Variants in SYT7 observed in about 807,000 individuals in gnomAD.
The protein encoded by SYT7 is synaptotagmin 7.
A neutral mutation model predicts 75.1 loss-of-function variants in SYT7; 29 were observed. That is an observed-to-expected ratio of 0.39 (90% CI 0.29 to 0.53). The LOEUF (loss-of-function observed/expected upper bound fraction) is 0.53. SYT7 is among the 20% of genes least tolerant of loss of function. The probability of loss-of-function intolerance (pLI) is 0.77; values close to 1 mark genes in which losing one functional copy is unlikely to be tolerated. For synonymous variants in SYT7, 376 were observed against 401.7 expected (o/e 0.94, Z 0.76); for missense variants, 693 against 953.2 (o/e 0.73, Z 3.59).
Position 61,524,349 on chromosome 11 carries a change from C to A in SYT7, c.1641+14G>T, listed in dbSNP as rs761788299. On this transcript the variant is annotated intron_variant, in intron 10 of 12. Coordinates refer to ENST00000539008, the MANE Select transcript of SYT7 (RefSeq NM_001365809.2). The surrounding 1 kb of genome is among the most constrained non-coding windows in gnomAD (Gnocchi z 4.1). ...TGCTGCCTGTCCAGCTAAGACCCAC[C>A]CATGGGGCCTTACACTCCCATCGCT... The A allele has an allele frequency of 6.2e-7, 1 of 1,613,658 alleles. No homozygotes were observed. Among genetic ancestry groups the A allele is most frequent in the South Asian group, 1.1e-5 (1 of 91,020 alleles).
intron 1 of SYT7, among the ~76,000 whole-genome samples, chr11:61,573,279 C>T (rs1000999147): frequency 6.6e-6 from 1 of 152,184 alleles, no homozygotes; most frequent in Non-Finnish European, 1.5e-5. Flanking sequence ...GCTCTATATC[C>T]CTCACTAGGG....
chr11:61,552,471 T>C lies in SYT7; in HGVS notation c.136-1008A>G, dbSNP rs1026987757. On this transcript the variant is annotated intron_variant, in intron 2 of 12. Transcript: ENST00000539008. ...CCGGCTGCACACACACACACACACATGCACACACACACACATGCACACACA... is the reference window on the plus strand; with the variant it reads ...CCGGCTGCACACACACACACACACACGCACACACACACACATGCACACACA... Among the ~76,000 whole-genome samples the C allele has an allele frequency of 8.7e-5, 12 of 137,490 alleles. No individual in the cohort carries two copies. The South Asian group carries it at 2.5e-3, about 29-fold the overall frequency. The allele number at this position is 137,490 out of a possible 152,430, so 90.2% of individuals were successfully genotyped here. A position where few individuals can be genotyped will look rare whatever the true frequency, so the allele number is the denominator to read the frequency against.
chr11:61,540,066 A>C (rs1202650589), intron 6 of SYT7: 1 of 152,194 alleles, frequency 6.6e-6, no homozygotes, highest in Non-Finnish European at 1.5e-5. Context: ...TTTTTCAGAT[A>C]TTCCTTTTTC....
chr11:61,539,250 G>A (rs894784795), intron 6 of SYT7, among the ~76,000 whole-genome samples: 9 of 152,304 alleles, frequency 5.9e-5, no homozygotes, highest in African/African-American at 2.2e-4. Context: ...GCAAGAAGGC[G>A]AGACTCTCTT....
intron 1 of SYT7, among the ~76,000 whole-genome samples, chr11:61,574,674 G>A (rs996776000): frequency 2.0e-5 from 3 of 151,848 alleles, no homozygotes; most frequent in Non-Finnish European, 4.4e-5. Context: ...CCCAGTATCT[G>A]GACGCGGGGC....
rs550096567 is a variant in SYT7 at position 61,517,169 on chromosome 11, C to T, written c.*1458G>A. ...GGACCCCCAGGATTGGAGGCTTTGTCACCAGCTGGGTCTTGTATCAATACC... is the reference window on the plus strand; with the variant it reads ...GGACCCCCAGGATTGGAGGCTTTGTTACCAGCTGGGTCTTGTATCAATACC... On this transcript the variant is annotated 3_prime_UTR_variant, in exon 13 of 13. Coordinates refer to ENST00000539008, the MANE Select transcript of SYT7 (RefSeq NM_001365809.2). 281 of 398,156 alleles carry T rather than the reference C, an allele frequency of 7.1e-4. No homozygotes were observed. The highest frequency in any genetic ancestry group is 5.4e-3 in the African/African-American group (264 of 48,720). 24.7% of individuals were successfully genotyped at this position (398,156 alleles called of 1,614,324 possible). A position where few individuals can be genotyped will look rare whatever the true frequency, so the allele number is the denominator to read the frequency against.
chr11:61,538,126 C>T lies in SYT7; in HGVS notation c.1064+18G>A. 6.5e-7 allele frequency: 1 copy of T among 1,535,744 alleles called. No homozygotes were observed. Among genetic ancestry groups the T allele is most frequent in the Non-Finnish European group, 8.7e-7 (1 of 1,146,650 alleles). Reference sequence around the variant, plus strand: ...CTTCTCTGCCGCCGCCGCCGCAGGCCCTCGCCTGTGCTCGTACCTCTTGTC... The same window carrying T: ...CTTCTCTGCCGCCGCCGCCGCAGGCTCTCGCCTGTGCTCGTACCTCTTGTC... On this transcript the variant is annotated intron_variant, in intron 7 of 12. Transcript: ENST00000539008.
At position 61,547,269 on chromosome 11, in the gene SYT7, T is replaced by G. The variant is rs2135279649; in HGVS notation, c.255A>C (p.Thr85=). Residue 85 remains threonine, a synonymous_variant, in exon 4 of 13, where the codon ACA becomes ACC. Coordinates refer to ENST00000539008, the MANE Select transcript of SYT7 (RefSeq NM_001365809.2). ...GGTAGGAGCTCCATTTCTGCTGCAC[T>G]GTGCTCTCATTGTTATTCCAAAAGT... The part of the protein sequence containing the change: ...DRDFWNNNES[T]VQQKWSSYPP... 2 of 1,535,826 alleles carry G rather than the reference T, an allele frequency of 1.3e-6. No homozygotes were observed. Among genetic ancestry groups the G allele is most frequent in the Non-Finnish European group, 1.7e-6 (2 of 1,146,690 alleles).
In SYT7 at chr11:61,518,517, G is replaced by A. The variant is rs2062206396; in HGVS notation, c.*110C>T. ...GGACCCCTCCCTGGCTGAGCCCTCA[G>A]GGTCCTCCCCTCCCTATGGCAGGGG... On this transcript the variant is annotated 3_prime_UTR_variant, in exon 13 of 13. Coordinates refer to ENST00000539008, the MANE Select transcript of SYT7 (RefSeq NM_001365809.2). The A allele has an allele frequency of 6.8e-6, 5 of 732,626 alleles. No individual in the cohort carries two copies. The South Asian group carries it at 9.2e-5, about 13-fold the overall frequency. 45.4% of individuals were successfully genotyped at this position (732,626 alleles called of 1,614,324 possible).
Position 61,542,124 on chromosome 11 carries a change from A to G in SYT7, c.941+87T>C, listed in dbSNP as rs1402848590. The G allele has an allele frequency of 2.7e-6, 4 of 1,458,508 alleles. No homozygotes were observed. In the East Asian group the frequency reaches 1.1e-4, roughly 39 times the overall value. The allele number at this position is 1,458,508 out of a possible 1,614,324, so 90.3% of individuals were successfully genotyped here. ...AAGGGGATGGAGGGCCGGGAGGTAC[A>G]CACAACCAGCTGCTCCCAAGGAGAT... On this transcript the variant is annotated intron_variant, in intron 6 of 12. Transcript: ENST00000539008. This position sits in a 1 kb window ranked among gnomAD's most constrained non-coding sequence, Gnocchi z 7.8.
intron 7 of SYT7, among the ~76,000 whole-genome samples, chr11:61,534,755 C>T (rs768842466): frequency 7.2e-5 from 11 of 152,136 alleles, no homozygotes; most frequent in Non-Finnish European, 1.5e-4. Flanking sequence ...CTCTACAACA[C>T]GGAAACGCCC....
At chr11:61,534,026 G>A (rs527461877) in intron 7 of SYT7, among the ~76,000 whole-genome samples, 2 of 152,116 alleles carry the variant, frequency 1.3e-5, no homozygotes, top group Non-Finnish European at 2.9e-5. Flanking sequence ...GCTGGGTGGT[G>A]AGCCCAGGCT....
intron 1 of SYT7, among the ~76,000 whole-genome samples, chr11:61,569,398 T>C (rs569165366): frequency 6.6e-6 from 1 of 151,948 alleles, no homozygotes; most frequent in South Asian, 2.1e-4. Flanking sequence ...GAGGCAGGGA[T>C]GCTGGGGAGG....
chr11:61,578,027 C>T (rs747455208), intron 1 of SYT7, among the ~76,000 whole-genome samples: 1 of 152,070 alleles, frequency 6.6e-6, no homozygotes, highest in Non-Finnish European at 1.5e-5. Context: ...AGGAAGAGGC[C>T]GTGAAGTCTG....
At chr11:61,538,387 G>GAGAGAC in intron 6 of SYT7, 121 bp from the exon 7 acceptor site, 2 of 795,956 alleles carry the variant, frequency 2.5e-6, no homozygotes, top group East Asian at 3.1e-5. Flanking sequence ...GAGAGAGAGA[G>GAGAGAC]AAAGAGAGAG....
At chr11:61,554,047 C>A (rs1182451331) in intron 2 of SYT7, among the ~76,000 whole-genome samples, 2 of 152,002 alleles carry the variant, frequency 1.3e-5, no homozygotes, top group Non-Finnish European at 2.9e-5. Context: ...GGACAGCCTG[C>A]GGTCTGGACC....
chr11:61,540,578 G>T, intron 6 of SYT7: 1 of 985,568 alleles, frequency 1.0e-6, no homozygotes, highest in Non-Finnish European at 1.2e-6. Flanking sequence ...GCACAGAGCA[G>T]GGACAGAGGA....
rs2063358193 is a variant in SYT7 at position 61,551,729 on chromosome 11, C to T, written c.136-266G>A. Reference sequence around the variant, plus strand: ...TCATCCCTGACTCCCAGGGATCAGCCCCTCCTGTCTGCCTATCTCCTGGGG... The same window carrying T: ...TCATCCCTGACTCCCAGGGATCAGCTCCTCCTGTCTGCCTATCTCCTGGGG... On this transcript the variant is annotated intron_variant, in intron 2 of 12. Transcript: ENST00000539008. The surrounding 1 kb of genome is among the most constrained non-coding windows in gnomAD (Gnocchi z 5.3). Among the ~76,000 whole-genome samples the T allele has an allele frequency of 6.6e-6, 1 of 152,154 alleles. No individual in the cohort carries two copies. Among genetic ancestry groups the T allele is most frequent in the Non-Finnish European group, 1.5e-5 (1 of 68,010 alleles).
intron 3 of SYT7, among the ~76,000 whole-genome samples, chr11:61,548,339 T>C (rs1018949640): frequency 2.0e-5 from 3 of 152,094 alleles, no homozygotes; most frequent in African/African-American, 7.2e-5. Flanking sequence ...CACCCTGGAC[T>C]CTCCACCTTC....
Sources: gnomAD v4.1 joint callset for allele counts (sites outside exome capture counted in the v4.1 genomes callset) on GRCh38, gnomAD v4.1.1 for gene constraint, Gnocchi (gnomAD v3.1) non-coding constraint, MANE v1.5 for transcripts, NCBI Gene and HGNC (gene_info 2026-07-23, HGNC 2026-07-21) for gene names.